ANXA8: variants seen among roughly 807,000 people sequenced by gnomAD.
ANXA8 encodes the protein annexin A8.
In ANXA8, 9 loss-of-function variants were observed where a neutral mutation model predicts 26.8. The observed-to-expected ratio is 0.34, with a 90% CI of 0.20 to 0.59. The LOEUF is 0.59. Ranked by LOEUF, ANXA8 falls within the 20% of genes least tolerant of loss-of-function variation. ANXA8 has a pLI of 0.84. For missense variants in ANXA8, 83 were observed against 238.5 expected (o/e 0.35, Z 4.29); for synonymous variants, 39 against 94.8 (o/e 0.41, Z 3.42).
At chr10:47,954,885 A>T in the ANXA8 span, among the ~76,000 whole-genome samples, 1 of 150,994 alleles carries the variant, frequency 6.6e-6, no homozygotes, top group South Asian at 2.1e-4. Flanking sequence ...ACACTACCCA[A>T]CATTAAAGCA....
chr10:47,775,213 AAAT>A, the ANXA8 span, among the ~76,000 whole-genome samples: 316 of 140,168 alleles, frequency 2.3e-3, no homozygotes, highest in African/African-American at 7.8e-3. Context: ...TCTCTACTAA[AAAT>A]ACAAAAATCA....
chr10:47,704,925 GTTCTT>G, the ANXA8 span, among the ~76,000 whole-genome samples: 1 of 152,028 alleles, frequency 6.6e-6, no homozygotes, highest in Non-Finnish European at 1.5e-5. Flanking sequence ...GAAGATTTCA[GTTCTT>G]TTCAAGTTGA....
At chr10:47,631,650 G>A in the ANXA8 span, among the ~76,000 whole-genome samples, 3 of 150,316 alleles carry the variant, frequency 2.0e-5, 1 homozygote, top group African/African-American at 7.5e-5. Flanking sequence ...AATGGTAAAT[G>A]CAACTTTTAT....
the ANXA8 span, among the ~76,000 whole-genome samples, chr10:47,775,947 C>G: frequency 4.0e-4 from 61 of 150,988 alleles, no homozygotes; most frequent in Middle Eastern, 3.4e-3. Flanking sequence ...AGGGCAGGAG[C>G]AAGACAGCCA....
At chr10:47,777,738 C>A in the ANXA8 span, among the ~76,000 whole-genome samples, 1 of 152,062 alleles carries the variant, frequency 6.6e-6, no homozygotes, top group Non-Finnish European at 1.5e-5. Context: ...CCTTCCATGG[C>A]ACAACTAAAG....
At chr10:47,539,318 CAT>C in the ANXA8 span, among the ~76,000 whole-genome samples, 2 of 101,436 alleles carry the variant, frequency 2.0e-5, no homozygotes, top group Non-Finnish European at 3.9e-5. Flanking sequence ...CTCTATCTGA[CAT>C]GTGTGAATAG....
chr10:47,679,331 A>G, the ANXA8 span, among the ~76,000 whole-genome samples: 217 of 152,088 alleles, frequency 1.4e-3, no homozygotes, highest in African/African-American at 5.0e-3. Context: ...TAATAATAAA[A>G]TTAGTGCCAG....
chr10:47,733,290 TCTTTC>T, the ANXA8 span, among the ~76,000 whole-genome samples: 19 of 84,898 alleles, frequency 2.2e-4, no homozygotes, highest in South Asian at 6.0e-4. Flanking sequence ...TTTCTTTCTT[TCTTTC>T]TTTTTTTTCT....
chr10:47,589,006 G>T, the ANXA8 span: 1 of 144,858 alleles, frequency 6.9e-6, no homozygotes, highest in Admixed American at 6.7e-5. Context: ...TAGAGACGGG[G>T]TTTTGTCATG....
chr10:47,581,191 C>G, the ANXA8 span: 2 of 363,644 alleles, frequency 5.5e-6, no homozygotes, highest in African/African-American at 4.5e-5. Flanking sequence ...GATGGGAGGT[C>G]TGAACCTAAC....
chr10:47,575,411 A>T, the ANXA8 span, among the ~76,000 whole-genome samples: 1 of 140,566 alleles, frequency 7.1e-6, no homozygotes, highest in Non-Finnish European at 1.5e-5. Flanking sequence ...TTGAGATGAA[A>T]TCTCACTCTG....
the ANXA8 span, among the ~76,000 whole-genome samples, chr10:47,665,024 G>A: frequency 0.015 from 2,102 of 143,392 alleles, 2 homozygotes; most frequent in Non-Finnish European, 0.018. Context: ...ACCACACCCA[G>A]TTGAGAAATA....
chr10:47,596,991 T>C, the ANXA8 span, among the ~76,000 whole-genome samples: 1 of 148,984 alleles, frequency 6.7e-6, no homozygotes, highest in Non-Finnish European at 1.5e-5. Flanking sequence ...CTGATGAACA[T>C]AGATGAAAAA....
At chr10:47,546,397 T>A in the ANXA8 span, among the ~76,000 whole-genome samples, 1 of 4,726 alleles carries the variant, frequency 2.1e-4, no homozygotes, top group Non-Finnish European at 4.1e-4. Context: ...ATAAGACCAA[T>A]TTTTTTTTTT....
the ANXA8 span, among the ~76,000 whole-genome samples, chr10:47,755,423 T>C: frequency 6.6e-6 from 1 of 152,154 alleles, no homozygotes; most frequent in South Asian, 2.1e-4. Context: ...ACCCAGCTAA[T>C]TTTTTGTATT....
the ANXA8 span, among the ~76,000 whole-genome samples, chr10:47,950,642 T>A: frequency 3.3e-5 from 5 of 150,460 alleles, no homozygotes; most frequent in Admixed American, 2.0e-4. Flanking sequence ...TTATCTAAAT[T>A]CAGTGGAACT....
chr10:47,475,246 G>A (rs1171968986), intron 6 of ANXA8, among the ~76,000 whole-genome samples: 4 of 146,854 alleles, frequency 2.7e-5, no homozygotes, highest in African/African-American at 7.4e-5. Flanking sequence ...CCTGGCATGA[G>A]GCCTGCACGA....
chr10:47,561,447 T>C, the ANXA8 span, among the ~76,000 whole-genome samples: 2 of 151,926 alleles, frequency 1.3e-5, no homozygotes, highest in Non-Finnish European at 2.9e-5. Flanking sequence ...CACCATGCTG[T>C]GCAATTTATC....
At chr10:47,949,825 C>T in the ANXA8 span, among the ~76,000 whole-genome samples, 1 of 147,948 alleles carries the variant, frequency 6.8e-6, no homozygotes, top group Non-Finnish European at 1.5e-5. Context: ...TAAAAGAAAT[C>T]AAGAAAAGAG....
Sources: gnomAD v4.1 joint callset for allele counts (sites outside exome capture counted in the v4.1 genomes callset) on GRCh38, gnomAD v4.1.1 for gene constraint, MANE v1.5 for transcripts, NCBI Gene and HGNC (gene_info 2026-07-23, HGNC 2026-07-21) for gene names.